ZNF880: variants seen among roughly 807,000 people sequenced by gnomAD.
The protein encoded by ZNF880 is zinc finger protein LOC400713.
In ZNF880, 12 loss-of-function variants were observed where a neutral mutation model predicts 11.8. The observed-to-expected ratio is 1.02, with a 90% confidence interval of 0.65 to 1.65. The LOEUF is 1.65. ZNF880 is among the 40% of genes most tolerant of loss of function. The pLI is 0.00. For missense variants in ZNF880, 601 were observed against 673.9 expected (o/e 0.89, Z 1.20); for synonymous variants, 210 against 232.4 (o/e 0.90, Z 0.88).
At chr19:52,378,645 CAAAAAAAAAAAA>C (rs3070397) in intron 3 of ZNF880, among the ~76,000 whole-genome samples, 1 of 85,182 alleles carries the variant, frequency 1.2e-5, no homozygotes, top group East Asian at 3.4e-4. Context: ...GACTCTGTCT[CAAAAAAAAAAAA>C]AAAAAAAAAG....
chr19:52,377,822 G>C (rs1056450246), intron 3 of ZNF880, among the ~76,000 whole-genome samples: 1 of 152,116 alleles, frequency 6.6e-6, no homozygotes, highest in Non-Finnish European at 1.5e-5. Context: ...GGAAGATCTC[G>C]TGACCCCATA....
chr19:52,374,128 C>T (rs1001693247), intron 2 of ZNF880, among the ~76,000 whole-genome samples, 171 bp from the exon 3 acceptor site: 4 of 149,612 alleles, frequency 2.7e-5, no homozygotes, highest in East Asian at 2.0e-4. Flanking sequence ...TGCAGTGGCG[C>T]GATCTTGGCT....
At chr19:52,371,199 T>C (rs112018712) in intron 1 of ZNF880, among the ~76,000 whole-genome samples, 2,251 of 152,306 alleles carry the variant, frequency 0.015, 42 homozygotes, top group African/African-American at 0.051. Context: ...ACTGTTATGA[T>C]AGTGAGTCTA....
chr19:52,396,195 C>T, the ZNF880 span: 12 of 140,508 alleles, frequency 8.5e-5, no homozygotes, highest in African/African-American at 2.9e-4. Flanking sequence ...GTCTCTAATT[C>T]CCGACCTCAG....
chr19:52,395,752 T>C, the ZNF880 span: 1 of 152,240 alleles, frequency 6.6e-6, no homozygotes, highest in African/African-American at 2.4e-5. Flanking sequence ...CACGTTGGCC[T>C]AAAGCAACAA....
chr19:52,392,277 C>G, the ZNF880 span, among the ~76,000 whole-genome samples: 1 of 136,000 alleles, frequency 7.4e-6, no homozygotes, highest in Admixed American at 7.5e-5. Context: ...CTCTTTCTCT[C>G]TTTCCTTCCT....
At chr19:52,394,075 G>A in the ZNF880 span, among the ~76,000 whole-genome samples, 100 of 151,862 alleles carry the variant, frequency 6.6e-4, 1 homozygote, top group East Asian at 3.7e-3. Context: ...TCCTGACCTC[G>A]TAGTCCACCT....
At position 52,384,224 on chromosome 19, in the gene ZNF880, A is replaced by T; in HGVS notation, c.644A>T (p.Asn215Ile). 1 of 1,612,734 alleles carries T rather than the reference A, an allele frequency of 6.2e-7. No individual in the cohort carries two copies. The highest frequency in any genetic ancestry group is 8.5e-7 in the Non-Finnish European group (1 of 1,179,146). Residue 215 changes from asparagine (N) to isoleucine (I), a missense_variant, in exon 4 of 4, where the codon AAT (asparagine) becomes ATT (isoleucine). By Grantham distance (149) the Asn-to-Ile change is moderately radical. Transcript: ENST00000422689. The part of the protein sequence containing the change: ...IHTADNPYKC[N>I]ECDKVFSNSS... ...ACTGCAGATAACCCTTACAAATGTA[A>T]TGAATGTGACAAGGTCTTCAGTAAC... is the stretch of plus-strand genomic sequence containing the variant.
chr19:52,391,176 G>T, the ZNF880 span: 1 of 153,132 alleles, frequency 6.5e-6, no homozygotes, highest in Non-Finnish European at 1.5e-5. Context: ...AGACAGAGCA[G>T]CATGGTGCTG....
intron 3 of ZNF880, among the ~76,000 whole-genome samples, chr19:52,376,803 C>T (rs1986571643): frequency 6.6e-6 from 1 of 152,124 alleles, no homozygotes; most frequent in Non-Finnish European, 1.5e-5. Flanking sequence ...AGAGACTGTG[C>T]CCGGCCCTTA....
the ZNF880 span, among the ~76,000 whole-genome samples, chr19:52,393,927 C>G: frequency 1.3e-5 from 2 of 149,508 alleles, no homozygotes. Context: ...AGCTCCGCCT[C>G]CTGAGTTCAC....
At chr19:52,396,485 C>T in the ZNF880 span, 1 of 152,280 alleles carries the variant, frequency 6.6e-6, no homozygotes, top group Non-Finnish European at 1.5e-5. Context: ...TGCCGTAGTC[C>T]AGGATCCCAG....
intron 3 of ZNF880, among the ~76,000 whole-genome samples, chr19:52,377,872 G>A (rs924691921): frequency 6.6e-6 from 1 of 152,074 alleles, no homozygotes; most frequent in Non-Finnish European, 1.5e-5. Flanking sequence ...TTTTTAGACA[G>A]AGTCTTGCTC....
At chr19:52,389,031 C>T (rs998854572), downstream of ZNF880, 1 of 152,138 alleles carries the variant, frequency 6.6e-6, no homozygotes, top group African/African-American at 2.4e-5. Context: ...ATGAGAACAG[C>T]ATGGGAAAAT....
chr19:52,368,555 G>A (rs1394182399), upstream of ZNF880, among the ~76,000 whole-genome samples: 1 of 152,062 alleles, frequency 6.6e-6, no homozygotes, highest in Non-Finnish European at 1.5e-5. Flanking sequence ...GTCCAAAAGT[G>A]GCTTCAGAGA....
downstream of ZNF880, among the ~76,000 whole-genome samples, chr19:52,388,406 T>C (rs919561835): frequency 2.0e-5 from 3 of 146,774 alleles, no homozygotes; most frequent in Non-Finnish European, 4.5e-5. Flanking sequence ...GCCTCATGAG[T>C]ACCTGGGACT....
chr19:52,385,946 C>T (rs985845298), downstream of ZNF880, among the ~76,000 whole-genome samples: 1 of 142,472 alleles, frequency 7.0e-6, no homozygotes, highest in South Asian at 2.2e-4. Flanking sequence ...GAGGCTGAGG[C>T]GGGCGGATCA....
rs1401298480 is a variant in ZNF880, at chr19:52,382,204, G to T, written c.269-1645G>T. Among the ~76,000 whole-genome samples the T allele has an allele frequency of 2.0e-5, 3 of 152,164 alleles. No individual in the cohort carries two copies. In the South Asian group the frequency reaches 6.2e-4, roughly 32 times the overall value. ...AGGTGGGAGAATTGTTTGAGCTTGG[G>T]AGGGGGAGGTTGCAGTGGGCCAAGA... On this transcript the variant is annotated intron_variant, in intron 3 of 3. Transcript: ENST00000422689.
intron 2 of ZNF880, among the ~76,000 whole-genome samples, chr19:52,373,591 G>A (rs941141136): frequency 4.6e-5 from 7 of 151,864 alleles, no homozygotes; most frequent in African/African-American, 1.7e-4. Flanking sequence ...TCTTGTAAGA[G>A]AGCTTGATGT....
Sources: allele counts gnomAD v4.1 joint callset (sites outside exome capture counted in the v4.1 genomes callset), GRCh38; gene constraint gnomAD v4.1.1; transcripts MANE v1.5; gene names NCBI Gene and HGNC (gene_info 2026-07-23, HGNC 2026-07-21).